The following CLECL1 variants were observed in gnomAD, a reference collection of about 807,000 sequenced individuals.
CLECL1 encodes C-type lectin like 1.
intron 3 of CLECL1, among the ~76,000 whole-genome samples, chr12:9,726,613 G>A (rs1866382897): frequency 6.6e-6 from 1 of 151,924 alleles, no homozygotes; most frequent in Admixed American, 6.5e-5. Flanking sequence ...CATATTTTAA[G>A]TCCATTTTGT....
At chr12:9,727,416 A>G (rs928713695) in intron 3 of CLECL1, among the ~76,000 whole-genome samples, 9 of 151,770 alleles carry the variant, frequency 5.9e-5, no homozygotes, top group African/African-American at 1.9e-4. Context: ...TTTTATCAGA[A>G]TTGTAATGAG....
downstream of CLECL1, among the ~76,000 whole-genome samples, chr12:9,720,866 A>C (rs1156231597): frequency 6.6e-6 from 1 of 152,174 alleles, no homozygotes; most frequent in Non-Finnish European, 1.5e-5. Context: ...TCCTGGCTGA[A>C]TTCTTACTGG....
At chr12:9,721,759 G>A (rs1866315604), downstream of CLECL1, among the ~76,000 whole-genome samples, 1 of 152,168 alleles carries the variant, frequency 6.6e-6, no homozygotes, top group African/African-American at 2.4e-5. Flanking sequence ...TGCTCTAGAA[G>A]AACAAACAAA....
At chr12:9,713,870 T>C (rs958210163), downstream of CLECL1, among the ~76,000 whole-genome samples, 1 of 152,344 alleles carries the variant, frequency 6.6e-6, no homozygotes, top group African/African-American at 2.4e-5. Context: ...TTTCCAAACA[T>C]GGCTCTTGGA....
chr12:9,708,324 T>C, the CLECL1 span, among the ~76,000 whole-genome samples: 1 of 152,128 alleles, frequency 6.6e-6, no homozygotes, highest in South Asian at 2.1e-4. Context: ...GGCTCCCCAT[T>C]CTAACACTGT....
chr12:9,705,581 A>G, the CLECL1 span, among the ~76,000 whole-genome samples: 1 of 152,122 alleles, frequency 6.6e-6, no homozygotes, highest in Non-Finnish European at 1.5e-5. Context: ...ATTTTTGTAT[A>G]TGATATAAGG....
chr12:9,711,847 A>G (rs1168141172), downstream of CLECL1, among the ~76,000 whole-genome samples: 1 of 152,184 alleles, frequency 6.6e-6, no homozygotes, highest in Non-Finnish European at 1.5e-5. Context: ...CTTCCAGCCT[A>G]AAGTATCTAA....
At chr12:9,719,276 C>T (rs1985788), downstream of CLECL1, among the ~76,000 whole-genome samples, 50,853 of 152,038 alleles carry the variant, frequency 0.33, 10,164 homozygotes, top group East Asian at 0.58. Flanking sequence ...CTTGTAATCC[C>T]AGTACTTTGG....
the CLECL1 span, among the ~76,000 whole-genome samples, chr12:9,706,917 G>A: frequency 1.3e-5 from 2 of 152,156 alleles, no homozygotes; most frequent in African/African-American, 4.8e-5. Flanking sequence ...AATAGTTTCA[G>A]TAGGAATGGT....
chr12:9,724,185 A>G (rs201676262), intron 3 of CLECL1, among the ~76,000 whole-genome samples: 1 of 31,102 alleles, frequency 3.2e-5, no homozygotes, highest in Admixed American at 2.6e-4. Context: ...CAACTCCATG[A>G]AAAAAAAAAA....
intron 1 of CLECL1, among the ~76,000 whole-genome samples, chr12:9,730,575 T>A (rs1866435107): frequency 6.6e-6 from 1 of 152,242 alleles, no homozygotes; most frequent in East Asian, 1.9e-4. Flanking sequence ...TTTCAAAACA[T>A]TAAAAGAAGT....
At chr12:9,722,573 G>T, downstream of CLECL1, 1 of 1,511,914 alleles carries the variant, frequency 6.6e-7, no homozygotes, top group Non-Finnish European at 8.9e-7. Flanking sequence ...ACAGACTTTT[G>T]CCAAGTTTGT....
downstream of CLECL1, among the ~76,000 whole-genome samples, chr12:9,719,275 C>G (rs774414598): frequency 3.3e-5 from 5 of 152,132 alleles, no homozygotes; most frequent in Non-Finnish European, 7.3e-5. Flanking sequence ...GCTTGTAATC[C>G]CAGTACTTTG....
downstream of CLECL1, among the ~76,000 whole-genome samples, chr12:9,720,498 C>T (rs1260075363): frequency 1.3e-5 from 2 of 152,126 alleles, no homozygotes; most frequent in African/African-American, 2.4e-5. Context: ...ATCACCACCA[C>T]ACCCGGCTAA....
At chr12:9,709,931 A>T in the CLECL1 span, among the ~76,000 whole-genome samples, 32 of 152,188 alleles carry the variant, frequency 2.1e-4, no homozygotes, top group African/African-American at 7.7e-4. Flanking sequence ...CCAGGAAGAG[A>T]GAGGAAATAC....
chr12:9,713,384 G>A (rs2121033313), downstream of CLECL1, among the ~76,000 whole-genome samples: 1 of 152,318 alleles, frequency 6.6e-6, no homozygotes, highest in Middle Eastern at 3.4e-3. Context: ...TCTTTTTAGT[G>A]CCTGTTGCAC....
chr12:9,711,737 CTCT>C (rs1014271816), downstream of CLECL1, among the ~76,000 whole-genome samples: 2 of 151,962 alleles, frequency 1.3e-5, no homozygotes, highest in African/African-American at 2.4e-5. Flanking sequence ...GTCCTTGTAC[CTCT>C]TCTTATCTGT....
intron 3 of CLECL1, among the ~76,000 whole-genome samples, chr12:9,725,757 T>A (rs916499740): frequency 1.3e-5 from 2 of 152,064 alleles, no homozygotes; most frequent in Non-Finnish European, 2.9e-5. Context: ...GATAATTAGG[T>A]TAAACATATT....
At chr12:9,707,985 A>G in the CLECL1 span, among the ~76,000 whole-genome samples, 1 of 152,188 alleles carries the variant, frequency 6.6e-6, no homozygotes, top group African/African-American at 2.4e-5. Flanking sequence ...CCACAGGTAC[A>G]CATGGCTCAG....
Sources: gnomAD v4.1 joint callset for allele counts (sites outside exome capture counted in the v4.1 genomes callset) on GRCh38, gnomAD v4.1.1 for gene constraint, MANE v1.5 for transcripts, NCBI Gene and HGNC (gene_info 2026-07-23, HGNC 2026-07-21) for gene names.